DNAH8: variants seen among roughly 807,000 people sequenced by gnomAD.
DNAH8 encodes axonemal beta dynein heavy chain 8.
DNAH8 carries 382 observed loss-of-function variants against 562.1 expected under a neutral mutation model. That is an observed-to-expected ratio of 0.68 (90% CI 0.63 to 0.74). DNAH8 has a LOEUF of 0.74. Ranked by LOEUF, DNAH8 falls within the 30% of genes least tolerant of loss-of-function variation. DNAH8 has a pLI of 0.00. For synonymous variants in DNAH8, 1,881 were observed against 1,919.4 expected (o/e 0.98, Z 0.52); for missense variants, 5,203 against 5,620.4 (o/e 0.93, Z 2.37).
chr6:38,995,750 A>T (rs372199664), intron 88 of DNAH8, among the ~76,000 whole-genome samples: 36 of 152,342 alleles, frequency 2.4e-4, no homozygotes, highest in African/African-American at 7.9e-4. Flanking sequence ...ATTCAATAAA[A>T]TTGTTACAGA....
intron 82 of DNAH8, among the ~76,000 whole-genome samples, chr6:38,962,328 G>T (rs1481163155): frequency 6.6e-6 from 1 of 152,042 alleles, no homozygotes; most frequent in East Asian, 1.9e-4. Context: ...GACAAGAATA[G>T]CTAAGAAAGC....
rs376615002 is a variant in DNAH8 at position 38,929,677 on chromosome 6, TA to T, written c.11274+26del. On this transcript the variant is annotated intron_variant, in intron 75 of 92. Coordinates refer to ENST00000327475, the MANE Select transcript of DNAH8 (RefSeq NM_001206927.2). ...GGCACCACTTTCAAGGTGAGCTTTGTAAAAAAAAAAAAAAAGAAAGAAAGAA... is the reference window on the plus strand; with the variant it reads ...GGCACCACTTTCAAGGTGAGCTTTGTAAAAAAAAAAAAAAGAAAGAAAGAA... 218,966 of 965,634 alleles carry T rather than the reference TA, an allele frequency of 0.23. 156 individuals carry two copies. The highest frequency in any genetic ancestry group is 0.23 in the Non-Finnish European group (173,292 of 742,290). The allele number at this position is 965,634 out of a possible 1,614,324, so 59.8% of individuals were successfully genotyped here.
chr6:38,767,684 T>C (rs1304734710), intron 11 of DNAH8, among the ~76,000 whole-genome samples: 1 of 152,256 alleles, frequency 6.6e-6, no homozygotes, highest in Non-Finnish European at 1.5e-5. Context: ...CATATATTTT[T>C]ATCCATTCCT....
intron 91 of DNAH8, among the ~76,000 whole-genome samples, chr6:39,017,248 G>T (rs1766626233): frequency 6.7e-6 from 1 of 149,286 alleles, no homozygotes; most frequent in Non-Finnish European, 1.5e-5. Context: ...CGCAAAGGAT[G>T]GCCCTGGTCT....
At chr6:38,929,417 T>C in intron 74 of DNAH8, 94 bp from the exon 75 acceptor site, 1 of 1,282,828 alleles carries the variant, frequency 7.8e-7, no homozygotes. Context: ...GCCCTTAAAA[T>C]TCTTGATTAC....
rs1778799611 is a variant in DNAH8 at position 38,884,862 on chromosome 6, A to G, written c.8259+864A>G. 1.3e-5 allele frequency among the ~76,000 whole-genome samples: 2 copies of G among 152,244 alleles called. 1 individual carries two copies. The highest frequency in any genetic ancestry group is 4.2e-4 in the South Asian group (2 of 4,812). On this transcript the variant is annotated intron_variant, in intron 56 of 92. Coordinates refer to ENST00000327475, the MANE Select transcript of DNAH8 (RefSeq NM_001206927.2). Reference sequence around the variant, plus strand: ...TCCACCCAGGTCATTCCCCATTAGAAGACTTCACCGGTGTTGCCAGAAGTC... The same window carrying G: ...TCCACCCAGGTCATTCCCCATTAGAGGACTTCACCGGTGTTGCCAGAAGTC...
intron 63 of DNAH8, among the ~76,000 whole-genome samples, chr6:38,907,256 C>A (rs998292821): frequency 1.3e-5 from 2 of 152,196 alleles, no homozygotes; most frequent in Admixed American, 6.5e-5. Flanking sequence ...TCCTCTCCAT[C>A]CAGTATGAAG....
chr6:38,941,013 G>A (rs1171293171), intron 79 of DNAH8, among the ~76,000 whole-genome samples: 2 of 151,976 alleles, frequency 1.3e-5, no homozygotes, highest in East Asian at 1.9e-4. Context: ...CCAGCTACTC[G>A]GGAAGCTGAA....
At chr6:38,729,816 C>T in intron 3 of DNAH8, 86 bp from the exon 4 acceptor site, 1 of 719,950 alleles carries the variant, frequency 1.4e-6, no homozygotes, top group East Asian at 2.7e-5. Context: ...TTTGAATAAA[C>T]TCTTTGAGCT....
intron 47 of DNAH8, among the ~76,000 whole-genome samples, 162 bp downstream of exon 47, chr6:38,867,038 C>A (rs1340571624): frequency 6.6e-6 from 1 of 152,094 alleles, no homozygotes; most frequent in East Asian, 1.9e-4. Context: ...TTTTAAGACC[C>A]TTTTATTTTG....
intron 85 of DNAH8, among the ~76,000 whole-genome samples, chr6:38,978,051 A>T (rs1379376215): frequency 6.6e-6 from 1 of 152,210 alleles, no homozygotes; most frequent in African/African-American, 2.4e-5. Context: ...TCCATTTCAT[A>T]GTCTGGAGTT....
intron 62 of DNAH8, among the ~76,000 whole-genome samples, chr6:38,904,825 A>G (rs1780332731): frequency 6.6e-6 from 1 of 151,766 alleles, no homozygotes; most frequent in Non-Finnish European, 1.5e-5. Flanking sequence ...AAGAATCTGA[A>G]AATGTTAAGA....
chr6:39,029,376 T>C (rs886499183), intron 92 of DNAH8, among the ~76,000 whole-genome samples: 2 of 152,142 alleles, frequency 1.3e-5, no homozygotes, highest in African/African-American at 4.8e-5. Context: ...ACAGGGACCT[T>C]GCCTCAGAAT....
chr6:38,869,432 C>A (rs1264978211), intron 48 of DNAH8, among the ~76,000 whole-genome samples: 1 of 152,126 alleles, frequency 6.6e-6, no homozygotes, highest in Non-Finnish European at 1.5e-5. Context: ...CAGTCTAAGC[C>A]TCCCTTAGAT....
Position 39,030,176 on chromosome 6 carries a change from A to C in DNAH8, c.13908A>C (p.Glu4636Asp). 6.2e-7 allele frequency: 1 copy of C among 1,614,040 alleles called. No individual in the cohort carries two copies. Among genetic ancestry groups the C allele is most frequent in the Non-Finnish European group, 8.5e-7 (1 of 1,180,006 alleles). ...ACAGACGGAATGGGAAGCTCATGGA[A>C]TCCACCCCCAAGGTACTCTTCACGC... ...AWDRRNGKLM[E>D]STPKVLFTQL... is the part of the protein sequence containing the mutation. Residue 4636 changes from glutamate to aspartate, a missense_variant, in exon 93 of 93, where the codon GAA becomes GAC. Glu to Asp is a conservative substitution (Grantham distance 45). This residue lies in a region of DNAH8 where 1,399 missense variants were observed against 1,518.4 expected (regional missense o/e 0.92). Coordinates refer to ENST00000327475, the MANE Select transcript of DNAH8 (RefSeq NM_001206927.2).
At chr6:38,766,391 C>T (rs949877355) in intron 11 of DNAH8, among the ~76,000 whole-genome samples, 1 of 151,952 alleles carries the variant, frequency 6.6e-6, no homozygotes, top group African/African-American at 2.4e-5. Flanking sequence ...GGCACAATGA[C>T]GAGATATTGG....
At chr6:38,982,246 A>T (rs1764082809) in intron 85 of DNAH8, 100 bp from the exon 86 acceptor site, 1 of 642,018 alleles carries the variant, frequency 1.6e-6, no homozygotes, top group Non-Finnish European at 2.9e-6. Flanking sequence ...AACTAATGTC[A>T]ATTTATTTTG....
rs1205327006 is a variant in DNAH8 at position 38,883,405 on chromosome 6, G to A, written c.8085G>A (p.Gln2695=). The A allele has an allele frequency of 1.2e-6, 2 of 1,613,004 alleles. No homozygotes were observed. Among genetic ancestry groups the A allele is most frequent in the Non-Finnish European group, 1.7e-6 (2 of 1,179,428 alleles). The part of the protein sequence containing the change: ...AYLKKYDPEV[Q]LSKSLNFSSA... ...TGAAAAAATATGATCCTGAAGTACA[G>A]CTATCCAAAAGTCTAAACTTTTCAT... The change falls in exon 55 of 93, where the codon CAG becomes CAA. Residue 2695 remains glutamine (Q), a synonymous_variant. Coordinates refer to ENST00000327475, the MANE Select transcript of DNAH8 (RefSeq NM_001206927.2).
At chr6:38,830,266 A>G (rs1773712849) in intron 30 of DNAH8, among the ~76,000 whole-genome samples, 1 of 152,082 alleles carries the variant, frequency 6.6e-6, no homozygotes, top group African/African-American at 2.4e-5. Context: ...TTAATGTAGA[A>G]CTTGATAGCT....
Sources: allele counts gnomAD v4.1 joint callset (sites outside exome capture counted in the v4.1 genomes callset), GRCh38; gene constraint gnomAD v4.1.1; regional missense constraint gnomAD v4.1.1; transcripts MANE v1.5; gene names NCBI Gene and HGNC (gene_info 2026-07-23, HGNC 2026-07-21).